The following PCSK5 variants were observed in gnomAD, a reference collection of about 807,000 sequenced individuals.
PCSK5 encodes the protein prohormone convertase 5.
In PCSK5, 129 loss-of-function variants were observed where a neutral mutation model predicts 233.2. The observed-to-expected ratio is 0.55, with a 90% confidence interval of 0.48 to 0.64. PCSK5 has a LOEUF of 0.64. Ranked by LOEUF, PCSK5 falls within the 30% of genes least tolerant of loss-of-function variation. PCSK5 has a pLI of 0.00. For missense variants in PCSK5, 2,076 were observed against 2,430.1 expected (o/e 0.85, Z 3.06); for synonymous variants, 825 against 879.2 (o/e 0.94, Z 1.09).
chr9:76,199,153 T>C (rs1824815250), intron 20 of PCSK5, among the ~76,000 whole-genome samples: 1 of 152,164 alleles, frequency 6.6e-6, no homozygotes, highest in South Asian at 2.1e-4. Flanking sequence ...TTTGTCATCA[T>C]GCAAACATCA....
intron 20 of PCSK5, among the ~76,000 whole-genome samples, chr9:76,223,933 T>C (rs1440217889): frequency 6.6e-6 from 1 of 152,238 alleles, no homozygotes; most frequent in Non-Finnish European, 1.5e-5. Flanking sequence ...TGAAAACTTG[T>C]GCCTGTAAGA....
rs766589284 is a variant in PCSK5 at position 76,159,196 on chromosome 9, A to G, written c.1619+25A>G. ...GGTACAGCAGTGGTCTCTGCCCACC[A>G]GTGTAGTAGTCACAGCGACACTCGG... is the stretch of plus-strand genomic sequence containing the variant. On this transcript the variant is annotated intron_variant, in intron 12 of 37. Coordinates refer to ENST00000674117, the MANE Select transcript of PCSK5 (RefSeq NM_001372043.1). The G allele has an allele frequency of 2.6e-5, 42 of 1,605,546 alleles. 1 individual carries two copies. In the South Asian group the frequency reaches 4.4e-4, roughly 17 times the overall value.
intron 37 of PCSK5, among the ~76,000 whole-genome samples, chr9:76,356,810 G>A (rs907295095): frequency 2.6e-5 from 4 of 152,196 alleles, no homozygotes; most frequent in Non-Finnish European, 5.9e-5. Context: ...CTTGGCAGCA[G>A]TGTTATATTC....
intron 5 of PCSK5, among the ~76,000 whole-genome samples, chr9:76,064,116 CG>C: frequency 8.2e-6 from 1 of 121,636 alleles, no homozygotes; most frequent in Non-Finnish European, 1.7e-5. Context: ...CCAGACGGGG[CG>C]GCTGGCTGGG....
At chr9:76,212,997 G>A (rs913194318) in intron 20 of PCSK5, among the ~76,000 whole-genome samples, 12 of 152,178 alleles carry the variant, frequency 7.9e-5, no homozygotes, top group Admixed American at 5.2e-4. Flanking sequence ...GTGACACTTT[G>A]AAGTTTCCAA....
intron 10 of PCSK5, among the ~76,000 whole-genome samples, chr9:76,154,458 G>A (rs1823800698): frequency 6.6e-6 from 1 of 152,106 alleles, no homozygotes; most frequent in African/African-American, 2.4e-5. Context: ...GTGAAAACAG[G>A]AGCCAGAGCA....
In PCSK5 at chr9:76,337,639, A is replaced by G. The variant is rs1040871121; in HGVS notation, c.4749-591A>G. 2.6e-5 allele frequency among the ~76,000 whole-genome samples: 4 copies of G among 151,812 alleles called. No individual in the cohort carries two copies. The South Asian group carries it at 8.3e-4, about 31-fold the overall frequency. ...CAGGCACATGCTACCATGTCTGGCT[A>G]ATTTTTGTATTTTTAGTAGAGACAG... is the stretch of plus-strand genomic sequence containing the variant. On this transcript the variant is annotated intron_variant, in intron 34 of 37. Coordinates refer to ENST00000674117, the MANE Select transcript of PCSK5 (RefSeq NM_001372043.1).
chr9:76,274,646 A>G (rs1827631894), intron 24 of PCSK5, among the ~76,000 whole-genome samples: 1 of 152,186 alleles, frequency 6.6e-6, no homozygotes, highest in Non-Finnish European at 1.5e-5. Context: ...GTTCTAGAAC[A>G]CACAAGTAAC....
intron 3 of PCSK5, among the ~76,000 whole-genome samples, chr9:76,006,236 T>C (rs932789306): frequency 6.6e-6 from 1 of 152,130 alleles, no homozygotes; most frequent in African/African-American, 2.4e-5. Flanking sequence ...TTAATGTATT[T>C]TTATTTAATA....
chr9:76,155,641 T>G (rs1425879264), intron 10 of PCSK5, among the ~76,000 whole-genome samples: 1 of 152,094 alleles, frequency 6.6e-6, no homozygotes, highest in Non-Finnish European at 1.5e-5. Context: ...GATGAATGGA[T>G]GAATGGATGG....
At chr9:76,192,575 C>G (rs1005740454) in intron 20 of PCSK5, among the ~76,000 whole-genome samples, 1 of 151,990 alleles carries the variant, frequency 6.6e-6, no homozygotes, top group East Asian at 1.9e-4. Flanking sequence ...TCTGTTCAAC[C>G]GAGTTAGGCA....
intron 1 of PCSK5, among the ~76,000 whole-genome samples, chr9:75,908,917 A>ATCTATCTATCTATCTC (rs1822555390): frequency 4.3e-5 from 5 of 116,678 alleles, no homozygotes; most frequent in African/African-American, 1.5e-4. Context: ...CTATCTATCT[A>ATCTATCTATCTATCTC]TCTATCTCTC....
intron 2 of PCSK5, among the ~76,000 whole-genome samples, chr9:75,941,277 C>T (rs1824291010): frequency 6.6e-6 from 1 of 152,074 alleles, no homozygotes; most frequent in South Asian, 2.1e-4. Context: ...TGTGCTCATC[C>T]AGCTGTGTGG....
chr9:76,266,480 C>G (rs1170195707), intron 24 of PCSK5, among the ~76,000 whole-genome samples: 1 of 152,100 alleles, frequency 6.6e-6, no homozygotes, highest in African/African-American at 2.4e-5. Flanking sequence ...GCCCTTTCAT[C>G]TTTCATAACA....
chr9:76,170,678 TGGG>T (rs1823293958), intron 13 of PCSK5, among the ~76,000 whole-genome samples: 1 of 152,144 alleles, frequency 6.6e-6, no homozygotes, highest in Non-Finnish European at 1.5e-5. Context: ...GAACCAGGCT[TGGG>T]GGAAGTTTTA....
intron 32 of PCSK5, among the ~76,000 whole-genome samples, chr9:76,326,124 C>A (rs1053991359): frequency 7.2e-6 from 1 of 139,246 alleles, no homozygotes; most frequent in Non-Finnish European, 1.6e-5. Flanking sequence ...TCTGTAATCT[C>A]AACAACACTT....
chr9:76,243,038 A>G (rs1223332279), intron 24 of PCSK5, among the ~76,000 whole-genome samples: 1 of 152,202 alleles, frequency 6.6e-6, no homozygotes, highest in East Asian at 1.9e-4. Context: ...AGGTGTTCGC[A>G]TTGGCCTCAT....
chr9:76,132,683 T>C (rs1301652605), intron 9 of PCSK5, among the ~76,000 whole-genome samples: 1 of 152,078 alleles, frequency 6.6e-6, no homozygotes. Context: ...TCTTAATAGC[T>C]TCTTATGCAC....
chr9:76,183,108 T>C (rs1233974969), intron 16 of PCSK5, among the ~76,000 whole-genome samples: 2 of 152,160 alleles, frequency 1.3e-5, no homozygotes, highest in Non-Finnish European at 2.9e-5. Context: ...CACAGAAATA[T>C]GCAGTATTCC....
Sources: allele counts gnomAD v4.1 joint callset (sites outside exome capture counted in the v4.1 genomes callset), GRCh38; gene constraint gnomAD v4.1.1; transcripts MANE v1.5; gene names NCBI Gene and HGNC (gene_info 2026-07-23, HGNC 2026-07-21).